The following CHN2 variants were observed in gnomAD, a reference collection of about 807,000 sequenced individuals.
The protein encoded by CHN2 is chimerin 2.
A neutral mutation model predicts 56.3 loss-of-function variants in CHN2; 35 were observed. The ratio of observed to expected loss-of-function variants is 0.62; its 90% CI spans 0.47 to 0.82. The LOEUF (loss-of-function observed/expected upper bound fraction) is 0.82. CHN2 is among the 40% of genes least tolerant of loss of function. The pLI is 0.00. For missense variants in CHN2, 491 were observed against 580.5 expected (o/e 0.85, Z 1.58); for synonymous variants, 210 against 212.8 (o/e 0.99, Z 0.12).
chr7:29,234,442 G>A (rs1244449395), intron 1 of CHN2, among the ~76,000 whole-genome samples: 5 of 152,114 alleles, frequency 3.3e-5, no homozygotes, highest in African/African-American at 1.2e-4. Context: ...ATTTAATGGG[G>A]CCCATAAACC....
intron 7 of CHN2, among the ~76,000 whole-genome samples, chr7:29,486,587 G>A (rs1177781025): frequency 1.1e-4 from 17 of 152,140 alleles, no homozygotes; most frequent in Admixed American, 1.0e-3. Flanking sequence ...GTCCTGTGTG[G>A]CGCCTTTCAA....
At chr7:29,337,720 G>T (rs1353350845) in intron 1 of CHN2, among the ~76,000 whole-genome samples, 1 of 152,220 alleles carries the variant, frequency 6.6e-6, no homozygotes, top group Non-Finnish European at 1.5e-5. Context: ...GGAGCTTTCA[G>T]TTAGCATCTT....
intron 2 of CHN2, among the ~76,000 whole-genome samples, chr7:29,167,639 A>G (rs1796084827): frequency 6.6e-6 from 1 of 152,116 alleles, no homozygotes; most frequent in African/African-American, 2.4e-5. Context: ...AAAAGTGTGT[A>G]AGTGTTTTTA....
chr7:29,218,222 A>T (rs530343230), intron 1 of CHN2, among the ~76,000 whole-genome samples: 79 of 142,558 alleles, frequency 5.5e-4, no homozygotes, highest in Admixed American at 1.9e-3. Flanking sequence ...CGCCAGCATG[A>T]CTCTCTTTCC....
intron 6 of CHN2, among the ~76,000 whole-genome samples, chr7:29,443,544 C>T (rs769863651): frequency 3.3e-5 from 5 of 152,202 alleles, no homozygotes; most frequent in Non-Finnish European, 7.3e-5. Context: ...CACAGGCACA[C>T]ATCTGTCATC....
At chr7:29,425,122 C>T (rs1804727625) in intron 6 of CHN2, among the ~76,000 whole-genome samples, 1 of 152,238 alleles carries the variant, frequency 6.6e-6, no homozygotes, top group Non-Finnish European at 1.5e-5. Context: ...ATTGAGAGAT[C>T]TCACTCGTTC....
In CHN2 at chr7:29,275,491, G is replaced by T. The variant is rs115773611; in HGVS notation, c.50-79134G>T. ...GATTATCTGCACCGTTTTGAAAGCA[G>T]GGCAGTAATTTTAAAATAAATGAAT... On this transcript the variant is annotated intron_variant, in intron 1 of 12. Transcript: ENST00000222792. Among the ~76,000 whole-genome samples the T allele has an allele frequency of 7.1e-3, 1,075 of 152,264 alleles. 15 individuals are homozygous for T. Among genetic ancestry groups the T allele is most frequent in the African/African-American group, 0.025 (1,043 of 41,534 alleles).
At chr7:29,506,373 C>T (rs985788546) in intron 10 of CHN2, among the ~76,000 whole-genome samples, 1 of 152,176 alleles carries the variant, frequency 6.6e-6, no homozygotes, top group African/African-American at 2.4e-5. Flanking sequence ...CGTGGTGGCT[C>T]ACACCTGTAA....
chr7:29,415,159 A>C (rs539189835), intron 6 of CHN2, among the ~76,000 whole-genome samples: 2 of 152,368 alleles, frequency 1.3e-5, no homozygotes, highest in East Asian at 3.9e-4. Flanking sequence ...CCAGTGACAT[A>C]GGTTCAGTAA....
chr7:29,486,911 T>C (rs189158861), intron 7 of CHN2, among the ~76,000 whole-genome samples: 311 of 152,300 alleles, frequency 2.0e-3, no homozygotes, highest in African/African-American at 7.1e-3. Flanking sequence ...CTTTCATTCA[T>C]TTTTGCATTC....
chr7:29,473,482 T>TTTTG lies in CHN2; in HGVS notation c.577-6796_577-6795insTTGT, dbSNP rs539151442. 7.3e-3 allele frequency among the ~76,000 whole-genome samples: 862 copies of TTTTG among 118,160 alleles called. 3 individuals are homozygous for TTTTG. Among genetic ancestry groups the TTTTG allele is most frequent in the South Asian group, 0.012 (41 of 3,486 alleles). 77.5% of individuals were successfully genotyped at this position (118,160 alleles called of 152,430 possible). On this transcript the variant is annotated intron_variant, in intron 6 of 12. Coordinates refer to ENST00000222792, the MANE Select transcript of CHN2 (RefSeq NM_004067.4). Reference sequence around the variant, plus strand: ...TGTGTGTGTTTGTGTTTTTTTTTTTTTGTGTGTGTGTGTGTGTGTGTGTGT... The same window carrying TTTTG: ...TGTGTGTGTTTGTGTTTTTTTTTTTTTTTGTGTGTGTGTGTGTGTGTGTGTGTGT...
intron 1 of CHN2, among the ~76,000 whole-genome samples, chr7:29,244,885 T>C (rs756335544): frequency 7.9e-5 from 12 of 152,240 alleles, no homozygotes; most frequent in Non-Finnish European, 1.8e-4. Context: ...CACCTGTGGC[T>C]GTCCATTGTT....
At chr7:29,363,341 C>T (rs1366425992) in intron 2 of CHN2, among the ~76,000 whole-genome samples, 1 of 152,150 alleles carries the variant, frequency 6.6e-6, no homozygotes, top group African/African-American at 2.4e-5. Context: ...AAAAATTAGC[C>T]AGGCATGGTG....
chr7:29,360,287 C>T (rs535035253), intron 2 of CHN2, among the ~76,000 whole-genome samples: 4 of 152,108 alleles, frequency 2.6e-5, no homozygotes, highest in Admixed American at 6.5e-5. Context: ...TTTGGGAGGC[C>T]GAGGCAGGCA....
chr7:29,451,243 C>G (rs947951843), intron 6 of CHN2, among the ~76,000 whole-genome samples: 18 of 152,116 alleles, frequency 1.2e-4, no homozygotes, highest in Admixed American at 1.2e-3. Context: ...GAGAACAGTG[C>G]CCAGAACATG....
At chr7:29,366,722 A>G (rs1428011596) in intron 2 of CHN2, among the ~76,000 whole-genome samples, 1 of 152,178 alleles carries the variant, frequency 6.6e-6, no homozygotes, top group African/African-American at 2.4e-5. Flanking sequence ...TGGGTGACCT[A>G]TACTTAGAAA....
intron 6 of CHN2, among the ~76,000 whole-genome samples, chr7:29,465,011 A>T (rs1285078132): frequency 2.6e-5 from 4 of 152,114 alleles, no homozygotes; most frequent in Non-Finnish European, 5.9e-5. Flanking sequence ...CTAATCCTTC[A>T]TTCTGTTTGT....
rs141283696 is a variant in CHN2 at position 29,355,583 on chromosome 7, A to G, written c.88+920A>G. Among the ~76,000 whole-genome samples, 944 of 151,980 alleles carry G rather than the reference A, an allele frequency of 6.2e-3. 12 individuals carry two copies. Among genetic ancestry groups the G allele is most frequent in the African/African-American group, 0.022 (914 of 41,436 alleles). ...CAGTGAGAGAGGGCAGGACTGTGGT[A>G]GGAGGAGCCCACTGTGTCCAGAGCC... On this transcript the variant is annotated intron_variant, in intron 2 of 12. Transcript: ENST00000222792.
At chr7:29,393,584 C>T in intron 3 of CHN2, 95 bp from the exon 4 acceptor site, 2 of 565,972 alleles carry the variant, frequency 3.5e-6, no homozygotes, top group Non-Finnish European at 5.8e-6. Flanking sequence ...AATAAAATTA[C>T]TACCAGGACC....
Sources: allele counts gnomAD v4.1 joint callset (sites outside exome capture counted in the v4.1 genomes callset), GRCh38; gene constraint gnomAD v4.1.1; transcripts MANE v1.5; gene names NCBI Gene and HGNC (gene_info 2026-07-23, HGNC 2026-07-21).